ZC2HC1B: variants seen among roughly 807,000 people sequenced by gnomAD.
ZC2HC1B encodes the protein zinc finger C2HC domain-containing protein 1B.
A neutral mutation model predicts 31.0 loss-of-function variants in ZC2HC1B; 36 were observed. The observed-to-expected ratio is 1.16, with a 90% CI of 0.89 to 1.54. The LOEUF is 1.54. Ranked by LOEUF, ZC2HC1B falls within the 40% of genes most tolerant of loss-of-function variation. ZC2HC1B has a pLI of 0.00. For missense variants in ZC2HC1B, 260 were observed against 268.6 expected (o/e 0.97, Z 0.22); for synonymous variants, 73 against 88.0 (o/e 0.83, Z 0.95).
rs1778157441 is a variant in ZC2HC1B, at chr6:143,934,790, T to A, written c.599-2859T>A. On this transcript the variant is annotated intron_variant, in intron 6 of 7. Transcript: ENST00000237275. This position sits in a 1 kb window ranked among gnomAD's most constrained non-coding sequence, Gnocchi z 4.6. ...AGCTGTGGTGAGGCTTTGCTGGGGA[T>A]GGGGACACAAGGTGAGCTGGTCTTC... Among the ~76,000 whole-genome samples the A allele has an allele frequency of 6.6e-6, 1 of 152,166 alleles. No homozygotes were observed. Among genetic ancestry groups the A allele is most frequent in the Admixed American group, 6.5e-5 (1 of 15,276 alleles).
intron 4 of ZC2HC1B, among the ~76,000 whole-genome samples, chr6:143,889,708 A>G (rs528762794): frequency 1.3e-5 from 2 of 152,220 alleles, no homozygotes; most frequent in African/African-American, 4.8e-5. Context: ...CAAATTCACA[A>G]TTATATTTGG....
Position 143,899,929 on chromosome 6 carries a change from C to CA in ZC2HC1B, c.489+1239dup, listed in dbSNP as rs1777716420. Among the ~76,000 whole-genome samples, 1 of 152,170 alleles carries CA rather than the reference C, an allele frequency of 6.6e-6. No homozygotes were observed. Among genetic ancestry groups the CA allele is most frequent in the Non-Finnish European group, 1.5e-5 (1 of 68,020 alleles). Reference sequence around the variant, plus strand: ...ATAGGAGAGCTATGGAAGAAGAAGTCACTGCAATTCCTGGAAGTCTTCAAA... The same window carrying CA: ...ATAGGAGAGCTATGGAAGAAGAAGTCAACTGCAATTCCTGGAAGTCTTCAAA... On this transcript the variant is annotated intron_variant, in intron 5 of 7. Coordinates refer to ENST00000237275, the MANE Select transcript of ZC2HC1B (RefSeq NM_001013623.3). This position sits in a 1 kb window ranked among gnomAD's most constrained non-coding sequence, Gnocchi z 5.0.
Position 143,886,195 on chromosome 6 carries a change from G to C in ZC2HC1B, c.210+44G>C, listed in dbSNP as rs1199371123. ...TTAGTGTTTGTTATTACATTCTGCGGTACTGTAAGGCCTATTTCTGGGATT... is the reference window on the plus strand; with the variant it reads ...TTAGTGTTTGTTATTACATTCTGCGCTACTGTAAGGCCTATTTCTGGGATT... On this transcript the variant is annotated intron_variant, in intron 3 of 7. Coordinates refer to ENST00000237275, the MANE Select transcript of ZC2HC1B (RefSeq NM_001013623.3). This position sits in a 1 kb window ranked among gnomAD's most constrained non-coding sequence, Gnocchi z 4.2. 1 of 1,447,896 alleles carries C rather than the reference G, an allele frequency of 6.9e-7. No homozygotes were observed. The highest frequency in any genetic ancestry group is 9.1e-7 in the Non-Finnish European group (1 of 1,100,976). The allele number at this position is 1,447,896 out of a possible 1,614,324, so 89.7% of individuals were successfully genotyped here. A position where few individuals can be genotyped will look rare whatever the true frequency, so the allele number is the denominator to read the frequency against.
rs762366128 is a variant in ZC2HC1B at position 143,903,131 on chromosome 6, A to G, written c.577A>G (p.Asn193Asp). Residue 193 changes from asparagine to aspartate, a missense_variant, in exon 6 of 8, where the codon AAT (asparagine) becomes GAT (aspartate). Asn to Asp is a conservative substitution (Grantham distance 23). Transcript: ENST00000237275. This position sits in a 1 kb window ranked among gnomAD's most constrained non-coding sequence, Gnocchi z 4.3. ...LLQNRVLVAT[N>D]EVPTKSGLAM... ...GCAGAACAGGGTCCTGGTGGCCACG[A>G]ATGAAGTCCCAACCAAGTCAGGTGA... is the stretch of plus-strand genomic sequence containing the variant. 5.2e-6 allele frequency: 8 copies of G among 1,552,156 alleles called. No homozygotes were observed. Among genetic ancestry groups the G allele is most frequent in the Non-Finnish European group, 7.0e-6 (8 of 1,147,096 alleles).
At chr6:143,896,869 C>T (rs143679344) in intron 4 of ZC2HC1B, among the ~76,000 whole-genome samples, 377 of 152,022 alleles carry the variant, frequency 2.5e-3, no homozygotes, top group Non-Finnish European at 4.5e-3. Context: ...CATTTATCTC[C>T]GTGTGAAATT....
rs1447253025 is a variant in ZC2HC1B at position 143,865,392 on chromosome 6, G to A, written c.28+825G>A. 6.6e-6 allele frequency among the ~76,000 whole-genome samples: 1 copy of A among 152,180 alleles called. No homozygotes were observed. The highest frequency in any genetic ancestry group is 1.5e-5 in the Non-Finnish European group (1 of 68,028). On this transcript the variant is annotated intron_variant, in intron 1 of 7. Coordinates refer to ENST00000237275, the MANE Select transcript of ZC2HC1B (RefSeq NM_001013623.3). The surrounding 1 kb of genome is among the most constrained non-coding windows in gnomAD (Gnocchi z 4.4). ...TGGTACTTGCTGTTCCCCCAGAAGT[G>A]CTTTCACTGCAGACAGACCTTCCTC...
At chr6:143,888,935 A>G (rs547158187) in intron 4 of ZC2HC1B, among the ~76,000 whole-genome samples, 1 of 152,166 alleles carries the variant, frequency 6.6e-6, no homozygotes, top group Non-Finnish European at 1.5e-5. Context: ...TATATCGAAT[A>G]GGAGTGGCAA....
At position 143,894,802 on chromosome 6, in the gene ZC2HC1B, A is replaced by G. The variant is rs575370808; in HGVS notation, c.350-3750A>G. 6.6e-5 allele frequency among the ~76,000 whole-genome samples: 10 copies of G among 152,312 alleles called. No homozygotes were observed. In the East Asian group the frequency reaches 1.9e-3, roughly 29 times the overall value. On this transcript the variant is annotated intron_variant, in intron 4 of 7. Transcript: ENST00000237275. ...GTTGATGGCTACCTTATGGTTCTTT[A>G]ATTGAATAAGTGAAACCATGTCAGA...
chr6:143,935,288 C>T (rs1052967609), intron 6 of ZC2HC1B, among the ~76,000 whole-genome samples: 1 of 152,126 alleles, frequency 6.6e-6, no homozygotes, highest in Admixed American at 6.5e-5. Context: ...TCCCCAGGCC[C>T]CAACAATGCA....
chr6:143,881,134 T>G (rs903090742), intron 1 of ZC2HC1B, among the ~76,000 whole-genome samples: 12 of 152,126 alleles, frequency 7.9e-5, no homozygotes, highest in African/African-American at 2.7e-4. Flanking sequence ...CTGTGTCCTA[T>G]CTCTCTAATT....
chr6:143,893,450 C>T (rs1223275167), intron 4 of ZC2HC1B, among the ~76,000 whole-genome samples: 1 of 152,020 alleles, frequency 6.6e-6, no homozygotes, highest in African/African-American at 2.4e-5. Flanking sequence ...CTCCTGTAAT[C>T]CCAGCTACTT....
chr6:143,868,199 T>G lies in ZC2HC1B; in HGVS notation c.28+3632T>G, dbSNP rs1462410068. 6.6e-6 allele frequency among the ~76,000 whole-genome samples: 1 copy of G among 152,214 alleles called. No homozygotes were observed. The highest frequency in any genetic ancestry group is 1.5e-5 in the Non-Finnish European group (1 of 68,036). ...TGTCTTCACTGTTCTGAAACTTCCA[T>G]TTTACTGAGTCTTTTAAATCAGAAG... is the stretch of plus-strand genomic sequence containing the variant. On this transcript the variant is annotated intron_variant, in intron 1 of 7. Coordinates refer to ENST00000237275, the MANE Select transcript of ZC2HC1B (RefSeq NM_001013623.3). This position sits in a 1 kb window ranked among gnomAD's most constrained non-coding sequence, Gnocchi z 4.2.
intron 1 of ZC2HC1B, among the ~76,000 whole-genome samples, chr6:143,866,322 C>T (rs1777261000): frequency 6.6e-6 from 1 of 152,226 alleles, no homozygotes; most frequent in South Asian, 2.1e-4. Context: ...GCTCAGAATA[C>T]TTTCCATTAG....
In ZC2HC1B at chr6:143,923,865, T is replaced by C. The variant is rs1391675520; in HGVS notation, c.599-13784T>C. ...AGTTACTACAGCTTTTTAATATATT[T>C]TGAAATCAGGTATGTGATGCCTCCA... is the stretch of plus-strand genomic sequence containing the variant. On this transcript the variant is annotated intron_variant, in intron 6 of 7. Transcript: ENST00000237275. The surrounding 1 kb of genome is among the most constrained non-coding windows in gnomAD (Gnocchi z 4.8). Among the ~76,000 whole-genome samples the C allele has an allele frequency of 1.3e-5, 2 of 151,976 alleles. No homozygotes were observed. Among genetic ancestry groups the C allele is most frequent in the Non-Finnish European group, 2.9e-5 (2 of 68,006 alleles).
At chr6:143,930,198 T>G (rs1383137276) in intron 6 of ZC2HC1B, among the ~76,000 whole-genome samples, 1 of 152,092 alleles carries the variant, frequency 6.6e-6, no homozygotes, top group Non-Finnish European at 1.5e-5. Context: ...TCAGGATCTT[T>G]CTTTTTTTAA....
rs1259174576 is a variant in ZC2HC1B, at chr6:143,934,292, T to C, written c.599-3357T>C. Among the ~76,000 whole-genome samples the C allele has an allele frequency of 6.6e-6, 1 of 152,208 alleles. No homozygotes were observed. Among genetic ancestry groups the C allele is most frequent in the Non-Finnish European group, 1.5e-5 (1 of 68,038 alleles). ...TTTTCCTGGTATGCTCCTGCAGTTG[T>C]TCCTGGAGCAAACGACCACAGAGTG... On this transcript the variant is annotated intron_variant, in intron 6 of 7. Coordinates refer to ENST00000237275, the MANE Select transcript of ZC2HC1B (RefSeq NM_001013623.3). The surrounding 1 kb of genome is among the most constrained non-coding windows in gnomAD (Gnocchi z 4.6).
In ZC2HC1B at chr6:143,903,059, G is replaced by C; in HGVS notation, c.505G>C (p.Gly169Arg). ...CTCTCTGTAGGGTAGGGCTCAGATG[G>C]GTCCAAAAAAAGAACCAACTGTTAC... is the stretch of plus-strand genomic sequence containing the variant. ...ASRAQGRAQM[G>R]PKKEPTVTSA... is the part of the protein sequence containing the mutation. The change falls in exon 6 of 8, where the codon GGT (glycine) becomes CGT (arginine). Residue 169 changes from glycine to arginine, a missense_variant. Transcript: ENST00000237275. The surrounding 1 kb of genome is among the most constrained non-coding windows in gnomAD (Gnocchi z 4.3). 6.4e-7 allele frequency: 1 copy of C among 1,551,686 alleles called. No individual in the cohort carries two copies. Among genetic ancestry groups the C allele is most frequent in the Non-Finnish European group, 8.7e-7 (1 of 1,146,980 alleles).
At position 143,908,291 on chromosome 6, in the gene ZC2HC1B, A is replaced by G. The variant is rs554565267; in HGVS notation, c.598+5139A>G. 0.023 allele frequency among the ~76,000 whole-genome samples: 2,417 copies of G among 104,428 alleles called. 27 individuals are homozygous for G. The highest frequency in any genetic ancestry group is 0.06 in the South Asian group (121 of 2,024). The allele number at this position is 104,428 out of a possible 152,430, so 68.5% of individuals were successfully genotyped here. On this transcript the variant is annotated intron_variant, in intron 6 of 7. Coordinates refer to ENST00000237275, the MANE Select transcript of ZC2HC1B (RefSeq NM_001013623.3). The surrounding 1 kb of genome is among the most constrained non-coding windows in gnomAD (Gnocchi z 4.4). The stretch of plus-strand genomic sequence containing the variant: ...TTTGATTTCATATGAATTTTAAAAT[A>G]GTTTTTTCTAATTCTGTGAAGAATG...
Position 143,933,798 on chromosome 6 carries a change from A to G in ZC2HC1B, c.599-3851A>G, listed in dbSNP as rs1049499735. On this transcript the variant is annotated intron_variant, in intron 6 of 7. Transcript: ENST00000237275. This position sits in a 1 kb window ranked among gnomAD's most constrained non-coding sequence, Gnocchi z 6.4. ...CTGCTTTCAGGCCACACCTTTGCCA[A>G]TCTGCCACACTGTCAGCCGCATCTC... Among the ~76,000 whole-genome samples, 1 of 152,202 alleles carries G rather than the reference A, an allele frequency of 6.6e-6. No individual in the cohort carries two copies. Among genetic ancestry groups the G allele is most frequent in the African/African-American group, 2.4e-5 (1 of 41,460 alleles).
Sources: gnomAD v4.1 joint callset for allele counts (sites outside exome capture counted in the v4.1 genomes callset) on GRCh38, gnomAD v4.1.1 for gene constraint, Gnocchi (gnomAD v3.1) non-coding constraint, MANE v1.5 for transcripts, NCBI Gene and HGNC (gene_info 2026-07-23, HGNC 2026-07-21) for gene names.